KIAA1328: variants seen among roughly 807,000 people sequenced by gnomAD.
KIAA1328 encodes the protein KIAA1328.
Under a neutral mutation model 68.1 loss-of-function variants are expected in KIAA1328, and 52 were observed. The observed-to-expected ratio is 0.76, with a 90% CI of 0.61 to 0.96. The LOEUF is 0.96. KIAA1328 is among the 40% of genes least tolerant of loss of function. The pLI, the probability that KIAA1328 is intolerant of heterozygous loss-of-function variation, is 0.00. For missense variants in KIAA1328, 641 were observed against 677.6 expected, an observed-to-expected ratio of 0.95 and a Z score of 0.60; for synonymous variants, 232 against 239.4, an observed-to-expected ratio of 0.97 and a Z score of 0.28.
chr18:36,909,980 G>GT (rs902691601), intron 5 of KIAA1328, among the ~76,000 whole-genome samples: 7 of 151,790 alleles, frequency 4.6e-5, no homozygotes, highest in South Asian at 2.1e-4. Flanking sequence ...TGATGGGGTT[G>GT]TTTTTTTTGT....
At chr18:37,163,181 C>A (rs76039048) in intron 8 of KIAA1328, among the ~76,000 whole-genome samples, 1,796 of 152,216 alleles carry the variant, frequency 0.012, 25 homozygotes, top group Non-Finnish European at 0.015. Context: ...GAGCAATCAT[C>A]GATATTCCCT....
intron 7 of KIAA1328, among the ~76,000 whole-genome samples, chr18:37,070,702 C>T (rs2056494719): frequency 1.3e-5 from 2 of 151,822 alleles, no homozygotes; most frequent in Non-Finnish European, 2.9e-5. Context: ...TCCCGAATAG[C>T]TGGGATTACA....
chr18:36,906,216 C>T (rs1412370290), intron 5 of KIAA1328, among the ~76,000 whole-genome samples: 1 of 152,096 alleles, frequency 6.6e-6, no homozygotes, highest in Non-Finnish European at 1.5e-5. Context: ...AAAATATTTT[C>T]CTACACTAAG....
At chr18:37,109,381 T>A (rs2057864728) in intron 7 of KIAA1328, among the ~76,000 whole-genome samples, 1 of 152,236 alleles carries the variant, frequency 6.6e-6, no homozygotes, top group Non-Finnish European at 1.5e-5. Context: ...TTACCCCTCG[T>A]ATATGGCATA....
At chr18:36,973,414 G>A (rs1047934533) in intron 6 of KIAA1328, among the ~76,000 whole-genome samples, 1 of 152,020 alleles carries the variant, frequency 6.6e-6, no homozygotes, top group African/African-American at 2.4e-5. Flanking sequence ...TATGGCACAT[G>A]TATACATATG....
At chr18:36,986,203 T>A (rs1243061425) in intron 6 of KIAA1328, among the ~76,000 whole-genome samples, 6 of 152,084 alleles carry the variant, frequency 3.9e-5, no homozygotes. Context: ...ACCCAAGTGT[T>A]CATCAGGTGA....
intron 7 of KIAA1328, among the ~76,000 whole-genome samples, chr18:37,126,187 A>G (rs1393171500): frequency 3.3e-5 from 5 of 152,236 alleles, no homozygotes; most frequent in Admixed American, 6.5e-5. Context: ...TATGTGAACC[A>G]TAAATGAATT....
chr18:36,862,181 G>A (rs2047586615), intron 4 of KIAA1328, among the ~76,000 whole-genome samples: 1 of 152,146 alleles, frequency 6.6e-6, no homozygotes, highest in African/African-American at 2.4e-5. Flanking sequence ...AATTGACATT[G>A]ATAGAATCCA....
intron 7 of KIAA1328, among the ~76,000 whole-genome samples, chr18:37,099,768 G>A (rs901610609): frequency 4.6e-5 from 7 of 152,150 alleles, no homozygotes; most frequent in African/African-American, 1.7e-4. Flanking sequence ...CCTGTATTGG[G>A]TGCATATATA....
chr18:37,027,958 T>C (rs1455650423), intron 6 of KIAA1328, among the ~76,000 whole-genome samples: 3 of 151,840 alleles, frequency 2.0e-5, no homozygotes, highest in Non-Finnish European at 2.9e-5. Context: ...TGCAATCTAC[T>C]CATCTGACAA....
At chr18:36,853,820 T>G (rs533444946) in intron 4 of KIAA1328, among the ~76,000 whole-genome samples, 2 of 152,052 alleles carry the variant, frequency 1.3e-5, no homozygotes, top group African/African-American at 4.8e-5. Context: ...CAAGCCCAGC[T>G]AATTTTTTTG....
chr18:36,909,140 TTTA>T (rs1404570401), intron 5 of KIAA1328, among the ~76,000 whole-genome samples: 2 of 152,140 alleles, frequency 1.3e-5, no homozygotes, highest in African/African-American at 4.8e-5. Flanking sequence ...TATGCTTTTT[TTTA>T]TTATTATACT....
intron 7 of KIAA1328, among the ~76,000 whole-genome samples, chr18:37,109,950 G>C (rs572599111): frequency 6.6e-6 from 1 of 151,722 alleles, no homozygotes; most frequent in African/African-American, 2.4e-5. Flanking sequence ...AATCTGAAAC[G>C]GAGCTCTTGT....
chr18:36,841,588 G>A (rs950527164), intron 3 of KIAA1328, among the ~76,000 whole-genome samples: 4 of 151,932 alleles, frequency 2.6e-5, no homozygotes, highest in Admixed American at 6.6e-5. Flanking sequence ...ATCGGGGTTC[G>A]CCGACTTTTT....
At chr18:37,144,528 C>G (rs1466061546) in intron 7 of KIAA1328, among the ~76,000 whole-genome samples, 1 of 151,944 alleles carries the variant, frequency 6.6e-6, no homozygotes, top group Non-Finnish European at 1.5e-5. Flanking sequence ...TATTTTTCCT[C>G]TAAGCACTGC....
chr18:37,225,323 CTA>C lies in KIAA1328; in HGVS notation c.*3098_*3099del, dbSNP rs2060627312. On this transcript the variant is annotated 3_prime_UTR_variant, in exon 10 of 10. Transcript: ENST00000280020. Reference sequence around the variant, plus strand: ...TCAAGTTAATAAATCATCTCTATGGCTATTTTCCCCATGTGGGTTTGATATTG... The same window carrying C: ...TCAAGTTAATAAATCATCTCTATGGCTTTTCCCCATGTGGGTTTGATATTG... 4.1e-6 allele frequency: 4 copies of C among 984,932 alleles called. No homozygotes were observed. The highest frequency in any genetic ancestry group is 4.8e-6 in the Non-Finnish European group (4 of 829,454). 61.0% of individuals were successfully genotyped at this position (984,932 alleles called of 1,614,324 possible).
intron 6 of KIAA1328, among the ~76,000 whole-genome samples, chr18:37,066,554 T>A (rs2056344763): frequency 6.6e-6 from 1 of 152,234 alleles, no homozygotes. Context: ...TTTTACGATG[T>A]TCATGTTTAA....
At chr18:36,882,709 A>G (rs912308539) in intron 4 of KIAA1328, among the ~76,000 whole-genome samples, 4 of 152,240 alleles carry the variant, frequency 2.6e-5, no homozygotes, top group African/African-American at 9.6e-5. Flanking sequence ...AACTAAATTT[A>G]GAAAAGAATC....
intron 5 of KIAA1328, among the ~76,000 whole-genome samples, chr18:36,951,043 C>A (rs1191356310): frequency 6.6e-6 from 1 of 152,192 alleles, no homozygotes; most frequent in Non-Finnish European, 1.5e-5. Flanking sequence ...CAGTCGACTT[C>A]ATCTTTTTAT....
Sources: gnomAD v4.1 joint callset for allele counts (sites outside exome capture counted in the v4.1 genomes callset) on GRCh38, gnomAD v4.1.1 for gene constraint, MANE v1.5 for transcripts, NCBI Gene and HGNC (gene_info 2026-07-23, HGNC 2026-07-21) for gene names.